GRIK5: variants seen among roughly 807,000 people sequenced by gnomAD.
GRIK5 encodes glutamate receptor ionotropic, kainate 5.
In GRIK5, 43 loss-of-function variants were observed where a neutral mutation model predicts 97.4. The observed-to-expected ratio is 0.44, with a 90% CI of 0.35 to 0.57. GRIK5 has a LOEUF of 0.57. GRIK5 is among the 20% of genes least tolerant of loss of function. GRIK5 has a pLI of 0.01. For missense variants in GRIK5, 1,015 were observed against 1,382.0 expected, an observed-to-expected ratio of 0.73 and a Z score of 4.21; for synonymous variants, 580 against 583.5, an observed-to-expected ratio of 0.99 and a Z score of 0.09.
In GRIK5 at chr19:42,042,407, G is replaced by T; in HGVS notation, c.1473+145C>A. 2 of 692,884 alleles carry T rather than the reference G, an allele frequency of 2.9e-6. No homozygotes were observed. Among genetic ancestry groups the T allele is most frequent in the Non-Finnish European group, 4.9e-6 (2 of 409,422 alleles). The allele number at this position is 692,884 out of a possible 1,614,324, so 42.9% of individuals were successfully genotyped here. A position where few individuals can be genotyped will look rare whatever the true frequency, so the allele number is the denominator to read the frequency against. ...GGCACAGGCATACAGCGCAACATCAGTGAGGTGGTGTCAGGGGCCCTTCAT... is the reference window on the plus strand; with the variant it reads ...GGCACAGGCATACAGCGCAACATCATTGAGGTGGTGTCAGGGGCCCTTCAT... On this transcript the variant is annotated intron_variant, in intron 12 of 19. Transcript: ENST00000593562. This position sits in a 1 kb window ranked among gnomAD's most constrained non-coding sequence, Gnocchi z 6.9.
intron 5 of GRIK5, among the ~76,000 whole-genome samples, chr19:42,060,697 C>T (rs1471186290): frequency 2.0e-5 from 3 of 151,952 alleles, no homozygotes; most frequent in Non-Finnish European, 2.9e-5. Flanking sequence ...TGCTATTGTC[C>T]TGCGGCCTTC....
At chr19:42,000,779 C>T (rs1311301109) in intron 19 of GRIK5, among the ~76,000 whole-genome samples, 1 of 152,224 alleles carries the variant, frequency 6.6e-6, no homozygotes, top group East Asian at 1.9e-4. Context: ...TCTCTGATCA[C>T]TCGCCCTGGG....
At chr19:42,009,897 T>C (rs1555873642) in intron 15 of GRIK5, among the ~76,000 whole-genome samples, 1 of 149,592 alleles carries the variant, frequency 6.7e-6, no homozygotes, top group East Asian at 2.0e-4. Context: ...AGAAACCCCA[T>C]CTCTACTAAA....
intron 11 of GRIK5, among the ~76,000 whole-genome samples, chr19:42,052,484 G>A (rs995921352): frequency 6.6e-6 from 1 of 152,180 alleles, no homozygotes; most frequent in Admixed American, 6.5e-5. Context: ...AGGGACTCGA[G>A]GTCCATTTTA....
intron 12 of GRIK5, among the ~76,000 whole-genome samples, chr19:42,029,188 C>T (rs2075809681): frequency 6.6e-6 from 1 of 152,122 alleles, no homozygotes; most frequent in African/African-American, 2.4e-5. Flanking sequence ...CTGCCTCACC[C>T]TTCCAAGTAG....
rs2146047603 is a variant in GRIK5, at chr19:42,021,030, A to T, written c.1871+271T>A. 6.6e-6 allele frequency among the ~76,000 whole-genome samples: 1 copy of T among 152,266 alleles called. No homozygotes were observed. The highest frequency in any genetic ancestry group is 1.9e-4 in the East Asian group (1 of 5,176). Reference sequence around the variant, plus strand: ...CTTTTATTCCTTAGCAGCCTCACTGAATCCTCACAACCCTGAGACATGGGC... The same window carrying T: ...CTTTTATTCCTTAGCAGCCTCACTGTATCCTCACAACCCTGAGACATGGGC... On this transcript the variant is annotated intron_variant, in intron 15 of 19. Transcript: ENST00000593562. This position sits in a 1 kb window ranked among gnomAD's most constrained non-coding sequence, Gnocchi z 4.2.
rs2075493672 is a variant in GRIK5, at chr19:42,006,559, C to T, written c.2037+86G>A. On this transcript the variant is annotated intron_variant, in intron 16 of 19. Coordinates refer to ENST00000593562, the MANE Select transcript of GRIK5 (RefSeq NM_002088.5). The surrounding 1 kb of genome is among the most constrained non-coding windows in gnomAD (Gnocchi z 5.3). ...GTCACTGACAATCAGTCCCTCTGAC[C>T]CAGGAGACCCTGCCCAGACCCATCC... 2 of 1,194,258 alleles carry T rather than the reference C, an allele frequency of 1.7e-6. No homozygotes were observed. The highest frequency in any genetic ancestry group is 1.2e-6 in the Non-Finnish European group (1 of 819,668). 74.0% of individuals were successfully genotyped at this position (1,194,258 alleles called of 1,614,324 possible). A position where few individuals can be genotyped will look rare whatever the true frequency, so the allele number is the denominator to read the frequency against.
At chr19:42,063,558 A>T (rs1000779340) in intron 3 of GRIK5, 6 of 325,466 alleles carry the variant, frequency 1.8e-5, no homozygotes, top group Non-Finnish European at 3.7e-5. Context: ...TGCAAATCAG[A>T]CCATGGAGCA....
At position 42,062,422 on chromosome 19, in the gene GRIK5, G is replaced by C; in HGVS notation, c.508+66C>G. On this transcript the variant is annotated intron_variant, in intron 5 of 19. Transcript: ENST00000593562. This position sits in a 1 kb window ranked among gnomAD's most constrained non-coding sequence, Gnocchi z 5.3. ...TAGGGGGCAGTGAACCACTGTGTGGGACACCAGATCTCTTGGGAAGGGGTG... is the reference window on the plus strand; with the variant it reads ...TAGGGGGCAGTGAACCACTGTGTGGCACACCAGATCTCTTGGGAAGGGGTG... 6.5e-7 allele frequency: 1 copy of C among 1,530,366 alleles called. No individual in the cohort carries two copies. 94.8% of individuals were successfully genotyped at this position (1,530,366 alleles called of 1,614,324 possible). A position where few individuals can be genotyped will look rare whatever the true frequency, so the allele number is the denominator to read the frequency against.
At chr19:42,055,053 T>A (rs1247686252) in intron 8 of GRIK5, among the ~76,000 whole-genome samples, 1 of 152,200 alleles carries the variant, frequency 6.6e-6, no homozygotes, top group Non-Finnish European at 1.5e-5. Context: ...CTCTGTAAAA[T>A]GAGGATAATA....
At position 42,062,356 on chromosome 19, in the gene GRIK5, T is replaced by G; in HGVS notation, c.508+132A>C. ...AACCAGAGGCCTCGGTTTCTGAAGA[T>G]GGGAGAAGAGCCTGGTGCCTGGGTG... is the stretch of plus-strand genomic sequence containing the variant. On this transcript the variant is annotated intron_variant, in intron 5 of 19. Coordinates refer to ENST00000593562, the MANE Select transcript of GRIK5 (RefSeq NM_002088.5). This position sits in a 1 kb window ranked among gnomAD's most constrained non-coding sequence, Gnocchi z 5.3. The G allele has an allele frequency of 2.5e-6, 2 of 804,060 alleles. No individual in the cohort carries two copies. Among genetic ancestry groups the G allele is most frequent in the African/African-American group, 1.7e-5 (1 of 57,784 alleles). 49.8% of individuals were successfully genotyped at this position (804,060 alleles called of 1,614,324 possible).
chr19:42,065,544 T>C lies in GRIK5; in HGVS notation c.79+148A>G. 1 of 977,952 alleles carries C rather than the reference T, an allele frequency of 1.0e-6. No homozygotes were observed. The highest frequency in any genetic ancestry group is 1.5e-6 in the Non-Finnish European group (1 of 665,974). The allele number at this position is 977,952 out of a possible 1,614,324, so 60.6% of individuals were successfully genotyped here. ...GGTGGGAGCTAGGGGTCTGGACTCC[T>C]GGGTCCTGGGGGAAGGAGGAACTGG... On this transcript the variant is annotated intron_variant, in intron 2 of 19. Transcript: ENST00000593562. The surrounding 1 kb of genome is among the most constrained non-coding windows in gnomAD (Gnocchi z 5.8).
At chr19:42,068,506 G>A in intron 1 of GRIK5, 1 of 382,056 alleles carries the variant, frequency 2.6e-6, no homozygotes, top group Non-Finnish European at 4.6e-6. Context: ...GAGGAGCCGG[G>A]CACCCAGAGT....
At position 42,042,801 on chromosome 19, in the gene GRIK5, G is replaced by A; in HGVS notation, c.1270-46C>T. On this transcript the variant is annotated intron_variant, in intron 11 of 19. Coordinates refer to ENST00000593562, the MANE Select transcript of GRIK5 (RefSeq NM_002088.5). This position sits in a 1 kb window ranked among gnomAD's most constrained non-coding sequence, Gnocchi z 6.9. Reference sequence around the variant, plus strand: ...AGGGGTCAGAGGCTGGGTGTCTAGTGGCTGGGTTGCGGATCCTGGAGCCCG... The same window carrying A: ...AGGGGTCAGAGGCTGGGTGTCTAGTAGCTGGGTTGCGGATCCTGGAGCCCG... 6.6e-7 allele frequency: 1 copy of A among 1,517,340 alleles called. No homozygotes were observed. Among genetic ancestry groups the A allele is most frequent in the Non-Finnish European group, 9.1e-7 (1 of 1,104,776 alleles). 94.0% of individuals were successfully genotyped at this position (1,517,340 alleles called of 1,614,324 possible). A position where few individuals can be genotyped will look rare whatever the true frequency, so the allele number is the denominator to read the frequency against.
chr19:42,028,393 C>T (rs898417417), intron 12 of GRIK5, among the ~76,000 whole-genome samples: 1 of 152,246 alleles, frequency 6.6e-6, no homozygotes, highest in Non-Finnish European at 1.5e-5. Context: ...CTGCTGCGCC[C>T]TGCCAGGCTC....
chr19:42,064,320 C>A (rs963786964), intron 3 of GRIK5, among the ~76,000 whole-genome samples: 6 of 152,176 alleles, frequency 3.9e-5, no homozygotes, highest in African/African-American at 1.4e-4. Flanking sequence ...ATCTGCACAG[C>A]CTCGCTTCCT....
chr19:42,059,380 T>A lies in GRIK5; in HGVS notation c.656A>T (p.Asn219Ile), dbSNP rs372955305. The change falls in exon 6 of 20, where the codon AAC (asparagine) becomes ATC (isoleucine). Residue 219 changes from asparagine (N) to isoleucine (I), a missense_variant. Asn to Ile is a moderately radical substitution (Grantham distance 149). Transcript: ENST00000593562. ...GAGGATGAGGTGGGAGATGGAGGCGTTGGCGTCGATGATGATGGTGGACAC... is the reference window on the plus strand; with the variant it reads ...GAGGATGAGGTGGGAGATGGAGGCGATGGCGTCGATGATGATGGTGGACAC... ...DKVSTIIIDA[N>I]ASISHLILRK... The A allele has an allele frequency of 6.2e-7, 1 of 1,613,690 alleles. No homozygotes were observed. The highest frequency in any genetic ancestry group is 1.3e-5 in the African/African-American group (1 of 75,002).
intron 5 of GRIK5, 123 bp from the exon 6 acceptor site, chr19:42,059,650 G>T: frequency 1.3e-6 from 1 of 789,014 alleles, no homozygotes; most frequent in Non-Finnish European, 2.0e-6. Context: ...AGGACATGGG[G>T]CAGCTGGGTC....
intron 11 of GRIK5, among the ~76,000 whole-genome samples, chr19:42,051,115 G>C (rs1475340847): frequency 1.3e-5 from 2 of 152,184 alleles, no homozygotes; most frequent in East Asian, 3.8e-4. Context: ...AAAGGGCAGA[G>C]TGAGGCATCT....
Sources: allele counts gnomAD v4.1 joint callset (sites outside exome capture counted in the v4.1 genomes callset), GRCh38; gene constraint gnomAD v4.1.1; non-coding constraint Gnocchi (gnomAD v3.1); transcripts MANE v1.5; gene names NCBI Gene and HGNC (gene_info 2026-07-23, HGNC 2026-07-21).